Variants in ADGRL3 observed in about 807,000 individuals in gnomAD.
The protein encoded by ADGRL3 is calcium-independent alpha-latrotoxin receptor 3.
ADGRL3 carries 62 observed loss-of-function variants against 153.5 expected under a neutral mutation model. The ratio of observed to expected loss-of-function variants is 0.40; its 90% CI spans 0.33 to 0.50. The LOEUF (loss-of-function observed/expected upper bound fraction) is 0.50, where lower values mean the gene tolerates loss of function less well. Ranked by LOEUF, ADGRL3 falls within the 20% of genes least tolerant of loss-of-function variation. The probability of loss-of-function intolerance (pLI) is 0.47; values close to 1 mark genes in which losing one functional copy is unlikely to be tolerated. For missense variants in ADGRL3, 1,641 were observed against 1,859.4 expected, an observed-to-expected ratio of 0.88 and a Z score of 2.16; for synonymous variants, 710 against 672.5, an observed-to-expected ratio of 1.06 and a Z score of -0.86.
intron 4 of ADGRL3, among the ~76,000 whole-genome samples, chr4:61,535,824 C>G (rs1317007552): frequency 1.3e-5 from 2 of 151,930 alleles, no homozygotes; most frequent in African/African-American, 4.8e-5. Flanking sequence ...TGGCATCTAT[C>G]AATTTTGTTC....
At chr4:61,453,502 T>C (rs1050922935) in intron 2 of ADGRL3, among the ~76,000 whole-genome samples, 1 of 152,100 alleles carries the variant, frequency 6.6e-6, no homozygotes, top group Admixed American at 6.6e-5. Flanking sequence ...TTGGCTTGTT[T>C]AGTCTCAAAA....
rs184473725 is a variant in ADGRL3 at position 61,765,285 on chromosome 4, A to G, written c.1399+31731A>G. ...TGACAGGTTTTTTGGGGCACAGTCT[A>G]AGTTGGTCTGGTGTCTGGAATGAGA... On this transcript the variant is annotated intron_variant, in intron 8 of 26. Coordinates refer to ENST00000683033, the MANE Select transcript of ADGRL3 (RefSeq NM_001387552.1). Among the ~76,000 whole-genome samples, 128 of 152,192 alleles carry G rather than the reference A, an allele frequency of 8.4e-4. No homozygotes were observed. In the Middle Eastern group the frequency reaches 0.024, roughly 28 times the overall value.
At chr4:61,591,968 C>G (rs2098971260) in intron 5 of ADGRL3, among the ~76,000 whole-genome samples, 1 of 149,512 alleles carries the variant, frequency 6.7e-6, no homozygotes, top group Non-Finnish European at 1.5e-5. Context: ...CCCAGCTGCT[C>G]GGGGTTGCTG....
chr4:61,762,283 A>G (rs1312308002), intron 8 of ADGRL3, among the ~76,000 whole-genome samples: 1 of 152,194 alleles, frequency 6.6e-6, no homozygotes, highest in Non-Finnish European at 1.5e-5. Flanking sequence ...ATATATAGCC[A>G]TATAAATACA....
chr4:61,200,676 G>A lies in ADGRL3; in HGVS notation c.-1329G>A, dbSNP rs1017661698. ...GGTGTGCGCGCGCGCGGGTTGCACG[G>A]TTTGCTTTGGCAGGAGCTCGCTCGT... On this transcript the variant is annotated 5_prime_UTR_variant, in exon 1 of 27. Transcript: ENST00000683033. Among the ~76,000 whole-genome samples, 5 of 152,188 alleles carry A rather than the reference G, an allele frequency of 3.3e-5. No individual in the cohort carries two copies. Among genetic ancestry groups the A allele is most frequent in the Non-Finnish European group, 7.4e-5 (5 of 67,974 alleles).
At chr4:61,914,899 C>T (rs552190214) in intron 13 of ADGRL3, among the ~76,000 whole-genome samples, 21 of 152,182 alleles carry the variant, frequency 1.4e-4, no homozygotes, top group African/African-American at 4.3e-4. Flanking sequence ...TTTGGAGTCA[C>T]ATGTCCTGAG....
At chr4:61,913,366 A>G (rs2098730857) in intron 13 of ADGRL3, among the ~76,000 whole-genome samples, 1 of 152,166 alleles carries the variant, frequency 6.6e-6, no homozygotes, top group African/African-American at 2.4e-5. Context: ...ACAGAGAACA[A>G]CCTTAGAAGC....
intron 9 of ADGRL3, among the ~76,000 whole-genome samples, chr4:61,832,404 GA>G (rs142845463): frequency 0.015 from 2,308 of 152,252 alleles, 55 homozygotes; most frequent in African/African-American, 0.049. Context: ...ATTTTTCCTG[GA>G]TATTTGTTGA....
chr4:61,439,658 T>C (rs916776736), intron 2 of ADGRL3, among the ~76,000 whole-genome samples: 14 of 152,090 alleles, frequency 9.2e-5, no homozygotes, highest in African/African-American at 3.4e-4. Flanking sequence ...CCTATATCCA[T>C]GTGTTCTCAT....
chr4:61,632,146 A>G (rs1424836046), intron 5 of ADGRL3, among the ~76,000 whole-genome samples: 1 of 152,140 alleles, frequency 6.6e-6, no homozygotes, highest in Admixed American at 6.6e-5. Flanking sequence ...TTATTTGCCT[A>G]TGTCTAATTT....
At chr4:61,259,176 G>A (rs1323162721) in intron 1 of ADGRL3, among the ~76,000 whole-genome samples, 1 of 152,150 alleles carries the variant, frequency 6.6e-6, no homozygotes, top group Non-Finnish European at 1.5e-5. Context: ...TGTAATCCCA[G>A]CACTTTGGGA....
intron 3 of ADGRL3, among the ~76,000 whole-genome samples, chr4:61,516,285 A>G (rs796751443): frequency 5.7e-4 from 86 of 152,056 alleles, no homozygotes; most frequent in African/African-American, 1.9e-3. Flanking sequence ...TGCATTATTG[A>G]TTTTCTTAGT....
In ADGRL3 at chr4:61,669,852, T is replaced by C. The variant is rs192517317; in HGVS notation, c.474-6974T>C. Among the ~76,000 whole-genome samples, 132 of 152,338 alleles carry C rather than the reference T, an allele frequency of 8.7e-4. 2 individuals carry two copies. Among genetic ancestry groups the C allele is most frequent in the African/African-American group, 3.1e-3 (129 of 41,570 alleles). ...GTGGAGTTTTATACATGACTGAAAC[T>C]TCATTTAAAAAGTTTCTTAGCATTC... On this transcript the variant is annotated intron_variant, in intron 5 of 26. Coordinates refer to ENST00000683033, the MANE Select transcript of ADGRL3 (RefSeq NM_001387552.1).
At chr4:61,564,662 A>G (rs1274908233) in intron 4 of ADGRL3, among the ~76,000 whole-genome samples, 1 of 152,176 alleles carries the variant, frequency 6.6e-6, no homozygotes, top group Non-Finnish European at 1.5e-5. Context: ...TTTGACATAG[A>G]AGGCCTAGCT....
intron 13 of ADGRL3, among the ~76,000 whole-genome samples, chr4:61,930,045 G>A (rs1406441984): frequency 6.6e-6 from 1 of 151,922 alleles, no homozygotes; most frequent in African/African-American, 2.4e-5. Context: ...GTGTGGTGAC[G>A]GGCGCCTGTA....
At chr4:61,628,137 C>G (rs80002048) in intron 5 of ADGRL3, among the ~76,000 whole-genome samples, 4,964 of 152,194 alleles carry the variant, frequency 0.033, 151 homozygotes, top group East Asian at 0.18. Flanking sequence ...TATTAATTTA[C>G]TTAATTCTGT....
chr4:61,371,773 G>T (rs1049097846), intron 1 of ADGRL3, among the ~76,000 whole-genome samples: 3 of 151,984 alleles, frequency 2.0e-5, no homozygotes, highest in Non-Finnish European at 2.9e-5. Context: ...TCTGAATGTT[G>T]GCCTGCCTTG....
chr4:61,638,247 G>T, intron 5 of ADGRL3, among the ~76,000 whole-genome samples: 1 of 152,056 alleles, frequency 6.6e-6, no homozygotes, highest in East Asian at 1.9e-4. Flanking sequence ...CAAAATGAAT[G>T]ACTCTCAGAA....
intron 1 of ADGRL3, among the ~76,000 whole-genome samples, chr4:61,361,007 A>T (rs1401587130): frequency 2.0e-5 from 3 of 152,162 alleles, no homozygotes; most frequent in African/African-American, 7.2e-5. Context: ...GCTACCCACA[A>T]AACACTATTA....
Sources: gnomAD v4.1 joint callset for allele counts (sites outside exome capture counted in the v4.1 genomes callset) on GRCh38, gnomAD v4.1.1 for gene constraint, MANE v1.5 for transcripts, NCBI Gene and HGNC (gene_info 2026-07-23, HGNC 2026-07-21) for gene names.